The following PIK3CA variants were observed in gnomAD, a reference collection of about 807,000 sequenced individuals.
PIK3CA encodes the protein phosphatidylinositol-4,5-bisphosphate 3-kinase catalytic subunit alpha, also known as phosphatidylinositol 4,5-bisphosphate 3-kinase catalytic subunit alpha isoform.
In PIK3CA, 27 loss-of-function variants were observed where a neutral mutation model predicts 138.2. The observed-to-expected ratio is 0.20, with a 90% CI of 0.14 to 0.27. PIK3CA has a LOEUF of 0.27. Among genes scored for constraint, PIK3CA ranks in the 10% least tolerant of loss-of-function variants. PIK3CA has a pLI of 1.00. For missense variants in PIK3CA, 544 were observed against 1,277.4 expected (o/e 0.43, Z 8.75); for synonymous variants, 358 against 413.2 (o/e 0.87, Z 1.62).
rs1560149314 is a variant in PIK3CA, at chr3:179,230,388, C to T, written c.2936+12C>T. On this transcript the variant is annotated intron_variant, in intron 20 of 20. Transcript: ENST00000263967. This position sits in a 1 kb window ranked among gnomAD's most constrained non-coding sequence, Gnocchi z 5.4. Reference sequence around the variant, plus strand: ...AGAGAATTTGAGAGGTGAGCTCGAGCAATTAAAAACACAAAATAAAGAGTT... The same window carrying T: ...AGAGAATTTGAGAGGTGAGCTCGAGTAATTAAAAACACAAAATAAAGAGTT... The T allele has an allele frequency of 6.4e-7, 1 of 1,569,254 alleles. No individual in the cohort carries two copies. Among genetic ancestry groups the T allele is most frequent in the East Asian group, 2.2e-5 (1 of 44,602 alleles).
intron 16 of PIK3CA, 73 bp downstream of exon 16, chr3:179,224,894 C>T (rs1725048232): frequency 9.4e-7 from 1 of 1,062,548 alleles, no homozygotes; most frequent in East Asian, 2.5e-5. Context: ...ATTTATGAAC[C>T]ATGAAAACTA....
intron 3 of PIK3CA, among the ~76,000 whole-genome samples, chr3:179,200,720 CCT>C: frequency 6.6e-6 from 1 of 152,190 alleles, no homozygotes; most frequent in Non-Finnish European, 1.5e-5. Context: ...AACAACCAAA[CCT>C]CTCTAAATAG....
intron 6 of PIK3CA, 25 bp from the exon 7 acceptor site, chr3:179,209,570 A>G (rs1467909018): frequency 1.4e-6 from 2 of 1,404,380 alleles, no homozygotes; most frequent in Admixed American, 1.8e-5. Flanking sequence ...TTGATGTATT[A>G]TTTTTGCTTT....
At chr3:179,229,541 AT>A in intron 18 of PIK3CA, 99 bp downstream of exon 18, 7 of 790,786 alleles carry the variant, frequency 8.9e-6, no homozygotes, top group Non-Finnish European at 1.3e-5. Flanking sequence ...AGAGAAAACA[AT>A]TGTACTTTCT....
At chr3:179,175,371 A>AT (rs1198691462) in intron 1 of PIK3CA, among the ~76,000 whole-genome samples, 2 of 151,892 alleles carry the variant, frequency 1.3e-5, no homozygotes, top group African/African-American at 4.8e-5. Flanking sequence ...CTGTTTCCTG[A>AT]TTTTTTATTT....
At chr3:179,181,123 C>G (rs1442955114) in intron 1 of PIK3CA, among the ~76,000 whole-genome samples, 1 of 152,072 alleles carries the variant, frequency 6.6e-6, no homozygotes, top group Non-Finnish European at 1.5e-5. Flanking sequence ...GGTTGTTTTT[C>G]TGTCACCACA....
intron 6 of PIK3CA, among the ~76,000 whole-genome samples, chr3:179,207,836 A>T (rs1029758088): frequency 6.6e-6 from 1 of 151,990 alleles, no homozygotes; most frequent in Non-Finnish European, 1.5e-5. Context: ...TTTTTAAATC[A>T]TTGCGGACTT....
chr3:179,176,008 A>G (rs1320709602), intron 1 of PIK3CA, among the ~76,000 whole-genome samples: 1 of 151,652 alleles, frequency 6.6e-6, no homozygotes, highest in Non-Finnish European at 1.5e-5. Context: ...TCATATCACA[A>G]TTTTTCTTTA....
intron 20 of PIK3CA, among the ~76,000 whole-genome samples, chr3:179,232,776 G>T (rs553806492): frequency 1.3e-5 from 2 of 152,144 alleles, no homozygotes; most frequent in East Asian, 3.9e-4. Flanking sequence ...GTTGTTGTTG[G>T]TGTATAGCAA....
intron 20 of PIK3CA, among the ~76,000 whole-genome samples, chr3:179,231,474 T>G (rs1725209311): frequency 1.3e-5 from 2 of 152,064 alleles, no homozygotes; most frequent in South Asian, 4.2e-4. Flanking sequence ...GTTTTTTGAC[T>G]TTTTAATTAT....
At chr3:179,185,730 A>G (rs1382230393) in intron 1 of PIK3CA, among the ~76,000 whole-genome samples, 2 of 152,214 alleles carry the variant, frequency 1.3e-5, no homozygotes, top group Non-Finnish European at 2.9e-5. Context: ...TCAGGGAAAT[A>G]CATTTCTCGG....
rs1048788210 is a variant in PIK3CA at position 179,236,778 on chromosome 3, A to G, written c.*2414A>G. On this transcript the variant is annotated 3_prime_UTR_variant, in exon 21 of 21. Coordinates refer to ENST00000263967, the MANE Select transcript of PIK3CA (RefSeq NM_006218.4). ...AATGTAGACAAATTCTATAAAGACT[A>G]TAGATTGTGACCTAAGAAAGAAATG... 2 of 215,030 alleles carry G rather than the reference A, an allele frequency of 9.3e-6. No homozygotes were observed. The highest frequency in any genetic ancestry group is 2.3e-5 in the African/African-American group (1 of 44,350). The allele number at this position is 215,030 out of a possible 1,614,324, so 13.3% of individuals were successfully genotyped here.
chr3:179,193,854 T>TA (rs1213762497), intron 1 of PIK3CA, among the ~76,000 whole-genome samples: 1 of 152,232 alleles, frequency 6.6e-6, no homozygotes, highest in Admixed American at 6.5e-5. Flanking sequence ...TCTTGACCCT[T>TA]AAAGTGTTTT....
At chr3:179,166,913 A>G (rs909932640) in intron 1 of PIK3CA, among the ~76,000 whole-genome samples, 1 of 152,156 alleles carries the variant, frequency 6.6e-6, no homozygotes, top group African/African-American at 2.4e-5. Flanking sequence ...TTTAGTAGCA[A>G]CTGTTCTTTT....
At chr3:179,158,503 T>C (rs974217928) in intron 1 of PIK3CA, among the ~76,000 whole-genome samples, 3 of 152,144 alleles carry the variant, frequency 2.0e-5, no homozygotes, top group Non-Finnish European at 4.4e-5. Flanking sequence ...TTGTCTTTTT[T>C]TCATGCACTA....
intron 17 of PIK3CA, among the ~76,000 whole-genome samples, chr3:179,227,587 TAGTTTTA>T (rs1248395011): frequency 1.2e-4 from 18 of 152,044 alleles, no homozygotes; most frequent in African/African-American, 4.3e-4. Flanking sequence ...GACTCATCAT[TAGTTTTA>T]AGAGTTTACT....
intron 1 of PIK3CA, among the ~76,000 whole-genome samples, chr3:179,152,646 C>T (rs924964026): frequency 2.0e-5 from 3 of 152,122 alleles, no homozygotes; most frequent in African/African-American, 7.2e-5. Flanking sequence ...ATGTTCATTT[C>T]CTTTCTCCTT....
intron 1 of PIK3CA, among the ~76,000 whole-genome samples, chr3:179,183,276 A>G (rs1193720477): frequency 6.6e-6 from 1 of 152,148 alleles, no homozygotes; most frequent in East Asian, 1.9e-4. Context: ...ATATAAAGTT[A>G]TTGTTTGGTC....
intron 2 of PIK3CA, among the ~76,000 whole-genome samples, chr3:179,199,431 T>G (rs891816466): frequency 6.6e-6 from 1 of 152,040 alleles, no homozygotes; most frequent in Non-Finnish European, 1.5e-5. Context: ...AGTGTTGTTA[T>G]TCTTTTAAAA....
Sources: gnomAD v4.1 joint callset for allele counts (sites outside exome capture counted in the v4.1 genomes callset) on GRCh38, gnomAD v4.1.1 for gene constraint, Gnocchi (gnomAD v3.1) non-coding constraint, MANE v1.5 for transcripts, NCBI Gene and HGNC (gene_info 2026-07-23, HGNC 2026-07-21) for gene names.